The following GIPC1 variants were observed in gnomAD, a reference collection of about 807,000 sequenced individuals.
The protein encoded by GIPC1 is GIPC PDZ domain containing family member 1, also known as PDZ domain-containing protein GIPC1.
Under a neutral mutation model 28.5 loss-of-function variants are expected in GIPC1, and 15 were observed. That is an observed-to-expected ratio of 0.53 (90% CI 0.35 to 0.81). GIPC1 has a LOEUF of 0.81. Ranked by LOEUF, GIPC1 falls within the 30% of genes least tolerant of loss-of-function variation. The probability of loss-of-function intolerance (pLI) is 0.01; values close to 1 mark genes in which losing one functional copy is unlikely to be tolerated. For missense variants in GIPC1, 439 were observed against 481.9 expected (o/e 0.91, Z 0.83); for synonymous variants, 224 against 206.1 (o/e 1.09, Z -0.74).
At chr19:14,483,702 T>C (rs1003980923) in intron 3 of GIPC1, 10 of 150,828 alleles carry the variant, frequency 6.6e-5, no homozygotes, top group Non-Finnish European at 1.0e-4. Context: ...TGAGCCAAGA[T>C]CACACCACTG....
chr19:14,480,312 C>T lies in GIPC1; in HGVS notation c.648G>A (p.Lys216=), dbSNP rs1462958217. The T allele has an allele frequency of 1.2e-6, 2 of 1,610,826 alleles. No individual in the cohort carries two copies. Among genetic ancestry groups the T allele is most frequent in the South Asian group, 2.2e-5 (2 of 90,992 alleles). Reference sequence around the variant, plus strand: ...CAGGGGGCGGCTCCTCACCGAAGGCCTTGCGAGGCTCCGTGAGCTTCAGCG... The same window carrying T: ...CAGGGGGCGGCTCCTCACCGAAGGCTTTGCGAGGCTCCGTGAGCTTCAGCG... ...TFTLKLTEPR[K]AFDMISQRSA... The change falls in exon 6 of 9, where the codon AAG becomes AAA. Residue 216 remains lysine (K), a synonymous_variant. Coordinates refer to ENST00000393033, the MANE Select transcript of GIPC1 (RefSeq NM_005716.4).
At chr19:14,479,933 C>A (rs2071688294) in intron 6 of GIPC1, 1 of 439,604 alleles carries the variant, frequency 2.3e-6, no homozygotes, top group East Asian at 4.4e-5. Context: ...CCCACCCCCA[C>A]CTCAGGGGCC....
chr19:14,489,426 G>C, intron 3 of GIPC1: 1 of 838,010 alleles, frequency 1.2e-6, no homozygotes, highest in Non-Finnish European at 2.1e-6. Context: ...AAAAATTTAC[G>C]GACAAGAAGT....
Position 14,494,645 on chromosome 19 carries a change from T to C in GIPC1, c.-175+1392A>G, listed in dbSNP as rs1816757204. Among the ~76,000 whole-genome samples, 2 of 152,170 alleles carry C rather than the reference T, an allele frequency of 1.3e-5. 1 individual carries two copies. Among genetic ancestry groups the C allele is most frequent in the Admixed American group, 1.3e-4 (2 of 15,258 alleles). ...GCACATGCACGTAGCAGGTGCTCAC[T>C]AAATATTTGTAGACTGAGTGAATGA... On this transcript the variant is annotated intron_variant, in intron 1 of 8. Coordinates refer to ENST00000393033, the MANE Select transcript of GIPC1 (RefSeq NM_005716.4).
At chr19:14,480,513 T>G (rs1447143509) in intron 5 of GIPC1, 28 bp from the exon 6 acceptor site, 2 of 1,606,060 alleles carry the variant, frequency 1.2e-6, no homozygotes, top group African/African-American at 2.7e-5. Context: ...CATCAGCCCT[T>G]GGGGCTCTGC....
At chr19:14,486,548 C>T (rs576729353) in intron 3 of GIPC1, among the ~76,000 whole-genome samples, 11 of 152,156 alleles carry the variant, frequency 7.2e-5, no homozygotes, top group African/African-American at 2.2e-4. Context: ...TCTATGAGGC[C>T]GGGCCCTGAA....
chr19:14,478,648 C>T lies in GIPC1; in HGVS notation c.850+36G>A, dbSNP rs374754736. 6.2e-7 allele frequency: 1 copy of T among 1,611,510 alleles called. No individual in the cohort carries two copies. Among genetic ancestry groups the T allele is most frequent in the African/African-American group, 1.3e-5 (1 of 74,834 alleles). Reference sequence around the variant, plus strand: ...CAGGGTGGATTCGGCCCCCAGCAGACCTAGATGCCCCCTCCCCCAGGCAGC... The same window carrying T: ...CAGGGTGGATTCGGCCCCCAGCAGATCTAGATGCCCCCTCCCCCAGGCAGC... On this transcript the variant is annotated intron_variant, in intron 8 of 8. Transcript: ENST00000393033. This position sits in a 1 kb window ranked among gnomAD's most constrained non-coding sequence, Gnocchi z 5.2.
At chr19:14,488,775 CAAA>C (rs931925798) in intron 3 of GIPC1, among the ~76,000 whole-genome samples, 3 of 82,382 alleles carry the variant, frequency 3.6e-5, no homozygotes, top group Non-Finnish European at 7.8e-5. Context: ...TCGGTCTAAA[CAAA>C]AAAAAAAAAA....
rs754675655 is a variant in GIPC1 at position 14,478,671 on chromosome 19, A to T, written c.850+13T>A. ...GACCTAGATGCCCCCTCCCCCAGGC[A>T]GCCCTCACTCACCCAGCTCCGTGTC... is the stretch of plus-strand genomic sequence containing the variant. On this transcript the variant is annotated intron_variant, in intron 8 of 8. Transcript: ENST00000393033. The surrounding 1 kb of genome is among the most constrained non-coding windows in gnomAD (Gnocchi z 5.2). 1 of 1,613,158 alleles carries T rather than the reference A, an allele frequency of 6.2e-7. No homozygotes were observed. The highest frequency in any genetic ancestry group is 1.3e-5 in the African/African-American group (1 of 74,826).
At chr19:14,485,729 A>AGAGAGAGAGAGAGG (rs2071827582) in intron 3 of GIPC1, among the ~76,000 whole-genome samples, 2 of 146,822 alleles carry the variant, frequency 1.4e-5, no homozygotes, top group African/African-American at 5.0e-5. Context: ...AGAGAGAGAG[A>AGAGAGAGAGAGAGG]GAGAGAGAGA....
intron 3 of GIPC1, among the ~76,000 whole-genome samples, chr19:14,489,824 CATTG>C (rs1265533616): frequency 6.7e-6 from 1 of 149,526 alleles, no homozygotes; most frequent in African/African-American, 2.5e-5. Context: ...TCCTGGTTGA[CATTG>C]ATTTCAAAGG....
At chr19:14,493,381 C>T (rs1047398184) in intron 1 of GIPC1, among the ~76,000 whole-genome samples, 4 of 152,210 alleles carry the variant, frequency 2.6e-5, no homozygotes, top group African/African-American at 9.6e-5. Context: ...AGAATCGCTG[C>T]TCTGGGTTCA....
At chr19:14,481,549 T>C (rs559453413) in intron 4 of GIPC1, among the ~76,000 whole-genome samples, 34 of 151,982 alleles carry the variant, frequency 2.2e-4, no homozygotes, top group Non-Finnish European at 4.1e-4. Context: ...GGTGAAATCC[T>C]GTCTCTACTA....
rs2071661278 is a variant in GIPC1 at position 14,478,822 on chromosome 19, T to C, written c.769-57A>G. ...ATAACAATGTGAATATACATAGTAA[T>C]TGGACGGACTGCCATTGTCACCACT... is the stretch of plus-strand genomic sequence containing the variant. On this transcript the variant is annotated intron_variant, in intron 7 of 8. Transcript: ENST00000393033. This position sits in a 1 kb window ranked among gnomAD's most constrained non-coding sequence, Gnocchi z 5.2. The C allele has an allele frequency of 3.2e-6, 4 of 1,245,854 alleles. No homozygotes were observed. The highest frequency in any genetic ancestry group is 2.9e-5 in the African/African-American group (2 of 67,886). The allele number at this position is 1,245,854 out of a possible 1,614,324, so 77.2% of individuals were successfully genotyped here.
intron 3 of GIPC1, among the ~76,000 whole-genome samples, chr19:14,490,401 G>A (rs2071942563): frequency 6.6e-6 from 1 of 151,820 alleles, no homozygotes; most frequent in Non-Finnish European, 1.5e-5. Context: ...AGTTAGGCCA[G>A]GAACGGTGGT....
chr19:14,488,072 C>T (rs2071885483), intron 3 of GIPC1, among the ~76,000 whole-genome samples: 1 of 152,122 alleles, frequency 6.6e-6, no homozygotes, highest in African/African-American at 2.4e-5. Flanking sequence ...TGAAGCTGAA[C>T]TTGAGACCTG....
In GIPC1 at chr19:14,480,490, G is replaced by A. The variant is rs1480322316; in HGVS notation, c.475-5C>T. On this transcript the variant is annotated splice_polypyrimidine_tract_variant and splice_region_variant and intron_variant, in intron 5 of 8. Transcript: ENST00000393033. ...CACGCTGCCCTCCTTGATGCGCTGC[G>A]GGGGCGGGGAGTCATCAGCCCTTGG... 2 of 1,609,040 alleles carry A rather than the reference G, an allele frequency of 1.2e-6. No individual in the cohort carries two copies. Among genetic ancestry groups the A allele is most frequent in the Non-Finnish European group, 1.7e-6 (2 of 1,176,532 alleles).
chr19:14,482,198 C>T (rs1226074507), intron 4 of GIPC1: 1 of 186,676 alleles, frequency 5.4e-6, no homozygotes, highest in Non-Finnish European at 1.1e-5. Context: ...GCGTCCAGCC[C>T]TGGTCGTCAG....
Position 14,478,203 on chromosome 19 carries a change from A to G in GIPC1, c.*213T>C. 1.8e-6 allele frequency: 1 copy of G among 553,382 alleles called. No homozygotes were observed. The highest frequency in any genetic ancestry group is 3.2e-6 in the Non-Finnish European group (1 of 313,652). The allele number at this position is 553,382 out of a possible 1,614,324, so 34.3% of individuals were successfully genotyped here. On this transcript the variant is annotated 3_prime_UTR_variant, in exon 9 of 9. Transcript: ENST00000393033. This position sits in a 1 kb window ranked among gnomAD's most constrained non-coding sequence, Gnocchi z 5.2. Reference sequence around the variant, plus strand: ...CTGAGGTAGGTGGGGAACAGGGCACAGGGGGGCCGGGGACCCCGGCCAGAC... The same window carrying G: ...CTGAGGTAGGTGGGGAACAGGGCACGGGGGGGCCGGGGACCCCGGCCAGAC...
Sources: gnomAD v4.1 joint callset for allele counts (sites outside exome capture counted in the v4.1 genomes callset) on GRCh38, gnomAD v4.1.1 for gene constraint, Gnocchi (gnomAD v3.1) non-coding constraint, MANE v1.5 for transcripts, NCBI Gene and HGNC (gene_info 2026-07-23, HGNC 2026-07-21) for gene names.